STPG2: variants seen among roughly 807,000 people sequenced by gnomAD.
STPG2 encodes sperm-tail PG-rich repeat-containing protein 2.
In STPG2, 56 loss-of-function variants were observed where a neutral mutation model predicts 54.2. The ratio of observed to expected loss-of-function variants is 1.03; its 90% CI spans 0.83 to 1.29. The LOEUF is 1.29. STPG2 is among the 50% of genes most tolerant of loss of function. The pLI is 0.00. For synonymous variants in STPG2, 200 were observed against 181.8 expected (o/e 1.10, Z -0.81); for missense variants, 596 against 544.9 (o/e 1.09, Z -0.93).
At position 97,603,925 on chromosome 4, in the gene STPG2, T is replaced by C. The variant is rs187116291; in HGVS notation, c.1321-44808A>G. Among the ~76,000 whole-genome samples, 239 of 151,816 alleles carry C rather than the reference T, an allele frequency of 1.6e-3. 4 individuals carry two copies. The highest frequency in any genetic ancestry group is 1.3e-4 in the Non-Finnish European group (9 of 67,690). On this transcript the variant is annotated intron_variant, in intron 10 of 10. Transcript: ENST00000295268. ...AGATTGGTTGCACAAAAAATGTCAA[T>C]GTACTTAACATTACTAAACCACTAT...
chr4:97,953,455 A>G (rs1392722804), intron 7 of STPG2, among the ~76,000 whole-genome samples: 1 of 152,174 alleles, frequency 6.6e-6, no homozygotes, highest in Non-Finnish European at 1.5e-5. Flanking sequence ...GTCTGCCTGT[A>G]AAGCTAGGGT....
intron 8 of STPG2, among the ~76,000 whole-genome samples, chr4:97,864,203 T>C (rs975880226): frequency 1.2e-4 from 18 of 152,172 alleles, no homozygotes; most frequent in African/African-American, 4.3e-4. Flanking sequence ...AAAACCCCAT[T>C]GACTCAGCCC....
chr4:97,925,966 C>T (rs1732318007), intron 8 of STPG2, among the ~76,000 whole-genome samples: 1 of 152,132 alleles, frequency 6.6e-6, no homozygotes, highest in African/African-American at 2.4e-5. Flanking sequence ...GTATCACTAC[C>T]TCCATGATAC....
intron 5 of STPG2, among the ~76,000 whole-genome samples, chr4:98,039,741 G>T (rs1456986468): frequency 6.6e-6 from 1 of 150,432 alleles, no homozygotes; most frequent in Non-Finnish European, 1.5e-5. Context: ...TGGACACTTA[G>T]GTTGATTCCA....
intron 10 of STPG2, among the ~76,000 whole-genome samples, chr4:97,592,195 T>C (rs1733162845): frequency 6.6e-6 from 1 of 152,118 alleles, no homozygotes; most frequent in Non-Finnish European, 1.5e-5. Flanking sequence ...ATACTGGGAC[T>C]GGAGAACCCA....
chr4:97,859,100 G>T (rs1729424566), intron 8 of STPG2, among the ~76,000 whole-genome samples: 1 of 152,110 alleles, frequency 6.6e-6, no homozygotes, highest in Non-Finnish European at 1.5e-5. Flanking sequence ...GCAGGAGTAA[G>T]GTGGAATCTC....
At position 97,542,771 on chromosome 4, in the gene STPG2, C is replaced by G. The variant is rs552091211; in HGVS notation, c.462+169928G>C. On this transcript the variant is annotated intron_variant, in intron 4 of 4. Coordinates refer to the STPG2 transcript ENST00000522676. ...TTAAGAAAATGTGGCAAATATACAC[C>G]GTAGAATACTATGCAGCCATAAAAA... 1.1e-4 allele frequency among the ~76,000 whole-genome samples: 17 copies of G among 152,144 alleles called. No individual in the cohort carries two copies. In the East Asian group the frequency reaches 3.1e-3, roughly 28 times the overall value.
intron 9 of STPG2, among the ~76,000 whole-genome samples, chr4:97,739,707 T>C (rs1475517972): frequency 5.3e-5 from 8 of 152,142 alleles, no homozygotes; most frequent in East Asian, 1.9e-4. Flanking sequence ...GGCTCTGAAA[T>C]TGTGGCAATA....
At chr4:98,133,586 G>A (rs757124515) in intron 2 of STPG2, among the ~76,000 whole-genome samples, 1 of 151,868 alleles carries the variant, frequency 6.6e-6, no homozygotes, top group Non-Finnish European at 1.5e-5. Flanking sequence ...TAACTTTAAT[G>A]ATTTATTTTA....
At chr4:97,479,434 C>T (rs1730164597) in intron 4 of STPG2, among the ~76,000 whole-genome samples, 1 of 151,882 alleles carries the variant, frequency 6.6e-6, no homozygotes, top group African/African-American at 2.4e-5. Context: ...AGATAAGAAG[C>T]TTTCAAAATC....
intron 8 of STPG2, among the ~76,000 whole-genome samples, chr4:97,861,491 A>G (rs534067142): frequency 2.6e-5 from 4 of 152,294 alleles, no homozygotes; most frequent in African/African-American, 9.6e-5. Context: ...TCCCACTGCT[A>G]GGTGTATACC....
At chr4:98,005,091 T>C (rs1735536311) in intron 5 of STPG2, among the ~76,000 whole-genome samples, 1 of 152,082 alleles carries the variant, frequency 6.6e-6, no homozygotes, top group Non-Finnish European at 1.5e-5. Context: ...GTCAATAACC[T>C]GAAGAACTTT....
At chr4:97,591,747 C>T (rs1447285044) in intron 10 of STPG2, among the ~76,000 whole-genome samples, 2 of 152,144 alleles carry the variant, frequency 1.3e-5, no homozygotes, top group Non-Finnish European at 2.9e-5. Context: ...AGAAGGCATA[C>T]ACTAACCTTC....
intron 7 of STPG2, among the ~76,000 whole-genome samples, chr4:97,964,901 G>A (rs1281469672): frequency 6.6e-6 from 1 of 152,144 alleles, no homozygotes; most frequent in African/African-American, 2.4e-5. Flanking sequence ...AACAGCTCTG[G>A]TCTGCAGCTC....
At chr4:97,978,143 T>C (rs1648546) in intron 6 of STPG2, among the ~76,000 whole-genome samples, 64,292 of 151,968 alleles carry the variant, frequency 0.42, 14,096 homozygotes, top group Admixed American at 0.53. Flanking sequence ...GGAACTACCA[T>C]TTGACCCAGC....
At chr4:97,914,180 T>C (rs976329271) in intron 8 of STPG2, among the ~76,000 whole-genome samples, 7 of 152,186 alleles carry the variant, frequency 4.6e-5, no homozygotes, top group African/African-American at 1.7e-4. Flanking sequence ...GTAATCTTTG[T>C]CTGAAAGTAA....
chr4:97,708,878 A>G (rs932509629), intron 10 of STPG2, among the ~76,000 whole-genome samples: 4 of 151,794 alleles, frequency 2.6e-5, no homozygotes, highest in Non-Finnish European at 4.4e-5. Context: ...ATCTGCTAAC[A>G]AAAGGATTTT....
chr4:97,582,658 A>G (rs997435749), intron 10 of STPG2, among the ~76,000 whole-genome samples: 10 of 152,066 alleles, frequency 6.6e-5, no homozygotes, highest in Non-Finnish European at 1.5e-4. Flanking sequence ...CAGTCCACAT[A>G]ACTGAGCAAA....
At chr4:97,813,677 T>TAAAAAAAAAAAAA (rs869298230) in intron 9 of STPG2, among the ~76,000 whole-genome samples, 2 of 45,944 alleles carry the variant, frequency 4.4e-5, no homozygotes, top group African/African-American at 1.6e-4. Context: ...CCCTGTCTCT[T>TAAAAAAAAAAAAA]AAAAAAAAAA....
Sources: gnomAD v4.1 joint callset for allele counts (sites outside exome capture counted in the v4.1 genomes callset) on GRCh38, gnomAD v4.1.1 for gene constraint, MANE v1.5 for transcripts, NCBI Gene and HGNC (gene_info 2026-07-23, HGNC 2026-07-21) for gene names.